The following HSPG2 variants were observed in gnomAD, a reference collection of about 807,000 sequenced individuals.
The protein encoded by HSPG2 is basement membrane-specific heparan sulfate proteoglycan core protein.
Under a neutral mutation model 526.6 loss-of-function variants are expected in HSPG2, and 278 were observed. The ratio of observed to expected loss-of-function variants is 0.53; its 90% CI spans 0.48 to 0.58. The LOEUF is 0.58. Among genes scored for constraint, HSPG2 ranks in the 20% least tolerant of loss-of-function variants. HSPG2 has a pLI of 0.00. For synonymous variants in HSPG2, 2,465 were observed against 2,555.4 expected (o/e 0.96, Z 1.07); for missense variants, 5,354 against 6,099.5 (o/e 0.88, Z 4.07).
chr1:21,843,833 G>A (rs1014270726), intron 65 of HSPG2, among the ~76,000 whole-genome samples: 1 of 151,998 alleles, frequency 6.6e-6, no homozygotes, highest in Admixed American at 6.6e-5. Context: ...TTTTCGTTTC[G>A]CCATGTTGGC....
At chr1:21,908,617 T>TAAAA in intron 1 of HSPG2, 1 of 508,436 alleles carries the variant, frequency 2.0e-6, no homozygotes, top group Non-Finnish European at 3.5e-6. Context: ...TCTGGGCTGT[T>TAAAA]AAAAAAAAAA....
chr1:21,887,341 G>A lies in HSPG2; in HGVS notation c.959-7C>T, dbSNP rs529027225. ...TCACAGGGTGGCGGGGGGCCTAGGA[G>A]ACCGGGCAGGGGTCAGCAGCATCCT... On this transcript the variant is annotated splice_region_variant and splice_polypyrimidine_tract_variant and intron_variant, in intron 8 of 96. Coordinates refer to ENST00000374695, the MANE Select transcript of HSPG2 (RefSeq NM_005529.7). The surrounding 1 kb of genome is among the most constrained non-coding windows in gnomAD (Gnocchi z 5.0). The A allele has an allele frequency of 7.3e-5, 118 of 1,613,956 alleles. No homozygotes were observed. The East Asian group carries it at 1.9e-3, about 26-fold the overall frequency.
chr1:21,829,672 G>A, intron 86 of HSPG2, 68 bp from the exon 87 acceptor site: 1 of 1,362,966 alleles, frequency 7.3e-7, no homozygotes, highest in Non-Finnish European at 1.0e-6. Flanking sequence ...CAGCTACTCT[G>A]CCTTCCTCTG....
chr1:21,828,543 G>C lies in HSPG2; in HGVS notation c.12238-117C>G. The stretch of plus-strand genomic sequence containing the variant: ...TGGGAGCCCACATTGGGCCCTGAGT[G>C]GTAGCATGGATTCTCGGTGTGGGGA... On this transcript the variant is annotated intron_variant, in intron 88 of 96. Coordinates refer to ENST00000374695, the MANE Select transcript of HSPG2 (RefSeq NM_005529.7). This position sits in a 1 kb window ranked among gnomAD's most constrained non-coding sequence, Gnocchi z 6.0. 1 of 1,111,016 alleles carries C rather than the reference G, an allele frequency of 9.0e-7. No homozygotes were observed. The highest frequency in any genetic ancestry group is 2.4e-4 in the Middle Eastern group (1 of 4,194). 68.8% of individuals were successfully genotyped at this position (1,111,016 alleles called of 1,614,324 possible). A position where few individuals can be genotyped will look rare whatever the true frequency, so the allele number is the denominator to read the frequency against.
chr1:21,832,470 T>C, intron 81 of HSPG2, 25 bp downstream of exon 81: 2 of 1,568,224 alleles, frequency 1.3e-6, no homozygotes, highest in Non-Finnish European at 1.8e-6. Flanking sequence ...AGTCCCCCTG[T>C]AGGTGGGGAG....
chr1:21,884,933 G>A lies in HSPG2; in HGVS notation c.1356-15C>T. 6.2e-7 allele frequency: 1 copy of A among 1,614,004 alleles called. No homozygotes were observed. Among genetic ancestry groups the A allele is most frequent in the Non-Finnish European group, 8.5e-7 (1 of 1,180,024 alleles). On this transcript the variant is annotated splice_polypyrimidine_tract_variant and intron_variant, in intron 11 of 96. Transcript: ENST00000374695. ...TCACTGTCACCCTGGTGAGCCCCAAGACAAGTGGTAGGATCTGGCCTAGGG... is the reference window on the plus strand; with the variant it reads ...TCACTGTCACCCTGGTGAGCCCCAAAACAAGTGGTAGGATCTGGCCTAGGG...
intron 33 of HSPG2, among the ~76,000 whole-genome samples, chr1:21,871,259 T>TTG (rs1553167753): frequency 2.3e-4 from 1 of 4,378 alleles, no homozygotes; most frequent in African/African-American, 4.0e-4. Context: ...AGAGTATTTG[T>TTG]TTTTTTTTTT....
At chr1:21,888,779 G>C in intron 6 of HSPG2, 2 of 1,224,170 alleles carry the variant, frequency 1.6e-6, no homozygotes, top group Non-Finnish European at 2.2e-6. Flanking sequence ...GAGGGCTGCA[G>C]GGCTGGGCCA....
intron 85 of HSPG2, chr1:21,830,442 T>A (rs1270890090): frequency 1.7e-5 from 6 of 345,178 alleles, no homozygotes. Flanking sequence ...ATCCCAGCAC[T>A]TTGGGAGGCC....
In HSPG2 at chr1:21,823,666, C is replaced by T. The variant is rs142762124; in HGVS notation, c.12953G>A (p.Arg4318Gln). The T allele has an allele frequency of 1.7e-5, 28 of 1,613,550 alleles. No homozygotes were observed. In the African/African-American group the frequency reaches 2.9e-4, roughly 17 times the overall value. The change falls in exon 96 of 97, where the codon CGG becomes CAG. Residue 4318 changes from arginine to glutamine, a missense_variant. Arg to Gln is a conservative substitution (Grantham distance 43). Transcript: ENST00000374695. The part of the protein sequence containing the change: ...QVDGEELVSG[R>Q]SPGPNVAVNA... ...GACTGCCACGTTGGGACCTGGGGAC[C>T]GGCCGCTGACCAGCTCCTCACCGTC...
intron 9 of HSPG2, among the ~76,000 whole-genome samples, chr1:21,886,064 C>T (rs1327369299): frequency 6.6e-6 from 1 of 152,224 alleles, no homozygotes; most frequent in Admixed American, 6.5e-5. Flanking sequence ...CATGCAGGAG[C>T]GGAAGCCGCG....
intron 37 of HSPG2, among the ~76,000 whole-genome samples, chr1:21,863,073 A>AAAAAAAAC: frequency 1.4e-5 from 2 of 139,508 alleles, no homozygotes; most frequent in African/African-American, 2.8e-5. Flanking sequence ...AAAAAAAAAA[A>AAAAAAAAC]AAAAAAAAAA....
At chr1:21,894,960 G>A (rs78251011) in intron 3 of HSPG2, among the ~76,000 whole-genome samples, 1 of 152,202 alleles carries the variant, frequency 6.6e-6, no homozygotes, top group African/African-American at 2.4e-5. Context: ...GTCAGGACCA[G>A]GTTACCCAGT....
chr1:21,827,053 C>T (rs1168057825), intron 91 of HSPG2, among the ~76,000 whole-genome samples: 1 of 151,802 alleles, frequency 6.6e-6, no homozygotes, highest in Non-Finnish European at 1.5e-5. Context: ...ACAAAAAATA[C>T]AAAAATTAGC....
intron 1 of HSPG2, among the ~76,000 whole-genome samples, chr1:21,912,477 A>G (rs1643728862): frequency 6.6e-6 from 1 of 152,150 alleles, no homozygotes; most frequent in African/African-American, 2.4e-5. Flanking sequence ...TGGATCCTGT[A>G]CTGTCCAAGC....
Position 21,857,015 on chromosome 1 carries a change from C to A in HSPG2, c.5575G>T (p.Ala1859Ser), listed in dbSNP as rs1309083967. ...DQGTATLHVQ[A>S]SGTLSAPVVS... ...AATCAGGTATAGATGGGAGGTGTAC[C>A]CTGCACATGTAGAGTGGCTGTGCCC... Residue 1859 changes from alanine (A) to serine (S), a missense_variant and splice_region_variant, in exon 44 of 97, where the codon GCC (alanine) becomes TCC (serine). By Grantham distance (99) the Ala-to-Ser change is moderately conservative. Coordinates refer to ENST00000374695, the MANE Select transcript of HSPG2 (RefSeq NM_005529.7). 2 of 1,614,042 alleles carry A rather than the reference C, an allele frequency of 1.2e-6. No homozygotes were observed. The highest frequency in any genetic ancestry group is 1.7e-6 in the Non-Finnish European group (2 of 1,179,928).
At chr1:21,855,280 T>G in intron 47 of HSPG2, 24 bp downstream of exon 47, 1 of 1,592,766 alleles carries the variant, frequency 6.3e-7, no homozygotes, top group Non-Finnish European at 8.5e-7. Context: ...GGCCTCCTCC[T>G]CCTGGGTGGG....
rs199840493 is a variant in HSPG2, at chr1:21,862,100, C to T, written c.4756G>A (p.Ala1586Thr). 3.3e-5 allele frequency: 53 copies of T among 1,613,082 alleles called. No homozygotes were observed. The highest frequency in any genetic ancestry group is 2.3e-4 in the African/African-American group (17 of 74,922). ...CAAAGCTCGCAGAACTCCCCTGCGG[C>T]GTTGTGCTGGCATTGCTGCAGGGCA... Reference protein sequence around the residue: ...TGACSQCQHNAAGEFCELCAP... With the variant: ...TGACSQCQHNTAGEFCELCAP... The change falls in exon 38 of 97, where the codon GCC (alanine) becomes ACC (threonine). Residue 1586 changes from alanine (A) to threonine (T), a missense_variant. Coordinates refer to ENST00000374695, the MANE Select transcript of HSPG2 (RefSeq NM_005529.7).
chr1:21,888,496 G>A (rs1007385954), intron 6 of HSPG2, among the ~76,000 whole-genome samples: 2 of 152,202 alleles, frequency 1.3e-5, no homozygotes, highest in African/African-American at 4.8e-5. Flanking sequence ...TTTAGAGACA[G>A]GGTCTTGCTA....
Sources: allele counts gnomAD v4.1 joint callset (sites outside exome capture counted in the v4.1 genomes callset), GRCh38; gene constraint gnomAD v4.1.1; non-coding constraint Gnocchi (gnomAD v3.1); transcripts MANE v1.5; gene names NCBI Gene and HGNC (gene_info 2026-07-23, HGNC 2026-07-21).